The following WASF1 variants were observed in gnomAD, a reference collection of about 807,000 sequenced individuals.
WASF1 encodes WASP family member 1.
WASF1 carries 7 observed loss-of-function variants against 50.5 expected under a neutral mutation model. The observed-to-expected ratio is 0.14, with a 90% CI of 0.08 to 0.26. The LOEUF (loss-of-function observed/expected upper bound fraction) is 0.26. Ranked by LOEUF, WASF1 falls within the 10% of genes least tolerant of loss-of-function variation. The pLI, the probability that WASF1 is intolerant of heterozygous loss-of-function variation, is 1.00. For synonymous variants in WASF1, 205 were observed against 244.0 expected (o/e 0.84, Z 1.49); for missense variants, 470 against 694.7 (o/e 0.68, Z 3.64).
chr6:110,177,021 A>G (rs996948609), intron 2 of WASF1: 4 of 152,086 alleles, frequency 2.6e-5, no homozygotes, highest in African/African-American at 4.8e-5. Flanking sequence ...CTTGGAAAAG[A>G]TATCTTAAGT....
intron 4 of WASF1, among the ~76,000 whole-genome samples, chr6:110,122,804 T>A (rs567987746): frequency 6.6e-6 from 1 of 152,280 alleles, no homozygotes; most frequent in East Asian, 1.9e-4. Flanking sequence ...AATAGTAGGC[T>A]ATAGGCAGTT....
chr6:110,140,626 A>G (rs978632844), intron 3 of WASF1, among the ~76,000 whole-genome samples: 6 of 152,146 alleles, frequency 3.9e-5, no homozygotes, highest in Admixed American at 1.3e-4. Context: ...CTGAAGAATT[A>G]ATTGCTTGCT....
intron 4 of WASF1, among the ~76,000 whole-genome samples, chr6:110,122,239 C>CAAAAAAAAAAAAAAAAA (rs55836821): frequency 8.8e-6 from 1 of 114,170 alleles, no homozygotes; most frequent in African/African-American, 3.0e-5. Context: ...AAATGGAATC[C>CAAAAAAAAAAAAAAAAA]AAAAAAAAAA....
intron 2 of WASF1, among the ~76,000 whole-genome samples, chr6:110,168,060 T>C (rs1047567369): frequency 6.6e-6 from 1 of 152,046 alleles, no homozygotes; most frequent in African/African-American, 2.4e-5. Context: ...AAAGCCCTTT[T>C]ATAACAATTA....
In WASF1 at chr6:110,105,392, C is replaced by G; in HGVS notation, c.713+15G>C. On this transcript the variant is annotated intron_variant, in intron 8 of 10. Transcript: ENST00000392589. ...ATGTTTTATCATTTAAAAAAAAAAA[C>G]AAAAGTAAAGAAACCTTGTTTCAAA... The G allele has an allele frequency of 6.4e-7, 1 of 1,556,340 alleles. No homozygotes were observed. The highest frequency in any genetic ancestry group is 8.7e-7 in the Non-Finnish European group (1 of 1,155,640).
intron 3 of WASF1, among the ~76,000 whole-genome samples, chr6:110,152,025 C>T (rs973375754): frequency 3.9e-5 from 6 of 151,962 alleles, no homozygotes; most frequent in South Asian, 2.1e-4. Context: ...CTAAGATGGC[C>T]GCATGATATC....
intron 6 of WASF1, 49 bp from the exon 7 acceptor site, chr6:110,107,243 A>G: frequency 2.5e-6 from 3 of 1,206,226 alleles, no homozygotes; most frequent in Non-Finnish European, 3.5e-6. Flanking sequence ...GACTTAGGCA[A>G]TCAGAATAGA....
intron 4 of WASF1, among the ~76,000 whole-genome samples, chr6:110,118,347 C>CAAAAAAAAAAA (rs56948481): frequency 1.3e-4 from 1 of 7,496 alleles, no homozygotes; most frequent in Non-Finnish European, 2.5e-4. Flanking sequence ...AAACGGAAAG[C>CAAAAAAAAAAA]AAAAAAAAAA....
rs1419556272 is a variant in WASF1 at position 110,124,214 on chromosome 6, TCTCCTCTCTCTC to T, written c.133+3243_133+3254del. Among the ~76,000 whole-genome samples the T allele has an allele frequency of 9.0e-4, 64 of 71,048 alleles. 5 individuals carry two copies. In the South Asian group the frequency reaches 0.012, roughly 14 times the overall value. 46.6% of individuals were successfully genotyped at this position (71,048 alleles called of 152,430 possible). Reference sequence around the variant, plus strand: ...GCGTCTCTCTCTCTCTCTCTCTCTCTCTCCTCTCTCTCCTCTCTCTCCTCTCTCTCTCTCTCT... The same window carrying T: ...GCGTCTCTCTCTCTCTCTCTCTCTCTCTCTCTCTCCTCTCTCTCTCTCTCT... On this transcript the variant is annotated intron_variant, in intron 4 of 10. Coordinates refer to ENST00000392589, the MANE Select transcript of WASF1 (RefSeq NM_003931.3).
intron 2 of WASF1, 25 bp downstream of exon 2, chr6:110,178,573 A>T (rs892186003): frequency 6.6e-6 from 1 of 152,614 alleles, no homozygotes; most frequent in Admixed American, 6.5e-5. Flanking sequence ...AAAGGAAATG[A>T]TTAGAGTAAG....
chr6:110,111,909 T>C (rs543438813), intron 5 of WASF1, among the ~76,000 whole-genome samples: 15 of 152,242 alleles, frequency 9.9e-5, no homozygotes, highest in African/African-American at 3.6e-4. Context: ...ACTTCAACTT[T>C]AAATGGGTGA....
intron 4 of WASF1, among the ~76,000 whole-genome samples, chr6:110,121,564 G>A (rs1774125282): frequency 6.6e-6 from 1 of 152,200 alleles, no homozygotes; most frequent in African/African-American, 2.4e-5. Context: ...GGAGAAATAG[G>A]AACACTTTTA....
chr6:110,119,309 G>C (rs1773972119), intron 4 of WASF1, among the ~76,000 whole-genome samples: 2 of 152,086 alleles, frequency 1.3e-5, no homozygotes, highest in African/African-American at 4.8e-5. Flanking sequence ...TAATAAACAA[G>C]AAAAGAGAGA....
At chr6:110,121,251 C>T (rs1283947654) in intron 4 of WASF1, among the ~76,000 whole-genome samples, 1 of 152,130 alleles carries the variant, frequency 6.6e-6, no homozygotes, top group Non-Finnish European at 1.5e-5. Flanking sequence ...GAACAGGCAA[C>T]CTACAGAATG....
chr6:110,149,862 A>AC (rs1775748779), intron 3 of WASF1, among the ~76,000 whole-genome samples: 1 of 151,554 alleles, frequency 6.6e-6, no homozygotes, highest in African/African-American at 2.4e-5. Context: ...GCCCCCTCCC[A>AC]CCCTCTTAAT....
chr6:110,154,641 C>T (rs1775976855), intron 3 of WASF1, among the ~76,000 whole-genome samples: 1 of 152,016 alleles, frequency 6.6e-6, no homozygotes, highest in Non-Finnish European at 1.5e-5. Context: ...ATACACTTTT[C>T]TGTTGATTAA....
chr6:110,140,840 T>C (rs763204778), intron 3 of WASF1, among the ~76,000 whole-genome samples: 14 of 152,058 alleles, frequency 9.2e-5, no homozygotes, highest in African/African-American at 3.4e-4. Context: ...TACTGTGACA[T>C]AGTGTTAAGC....
intron 3 of WASF1, among the ~76,000 whole-genome samples, chr6:110,136,089 T>C: frequency 6.6e-6 from 1 of 151,828 alleles, no homozygotes; most frequent in Non-Finnish European, 1.5e-5. Flanking sequence ...CTTCACTGTG[T>C]TAGCCAGGAT....
intron 2 of WASF1, among the ~76,000 whole-genome samples, chr6:110,170,021 C>G (rs1584035549): frequency 6.6e-6 from 1 of 152,002 alleles, no homozygotes. Flanking sequence ...CAGAGAGAAA[C>G]CACTTTACCT....
Sources: allele counts gnomAD v4.1 joint callset (sites outside exome capture counted in the v4.1 genomes callset), GRCh38; gene constraint gnomAD v4.1.1; transcripts MANE v1.5; gene names NCBI Gene and HGNC (gene_info 2026-07-23, HGNC 2026-07-21).